The following PROS1 variants were observed in gnomAD, a reference collection of about 807,000 sequenced individuals.
PROS1 encodes vitamin K-dependent protein S.
PROS1 carries 29 observed loss-of-function variants against 75.9 expected under a neutral mutation model. The ratio of observed to expected loss-of-function variants is 0.38; its 90% CI spans 0.28 to 0.52. The LOEUF (loss-of-function observed/expected upper bound fraction) is 0.52, where lower values mean the gene tolerates loss of function less well. Ranked by LOEUF, PROS1 falls within the 20% of genes least tolerant of loss-of-function variation. The probability of loss-of-function intolerance (pLI) is 0.83; values close to 1 mark genes in which losing one functional copy is unlikely to be tolerated. For missense variants in PROS1, 680 were observed against 810.3 expected, an observed-to-expected ratio of 0.84 and a Z score of 1.95; for synonymous variants, 245 against 280.6, an observed-to-expected ratio of 0.87 and a Z score of 1.27.
At chr3:93,936,334 C>A (rs941370002) in intron 1 of PROS1, among the ~76,000 whole-genome samples, 7 of 152,100 alleles carry the variant, frequency 4.6e-5, no homozygotes, top group Non-Finnish European at 8.8e-5. Flanking sequence ...GTGACAGGAT[C>A]ATTTTGCCCC....
intron 7 of PROS1, among the ~76,000 whole-genome samples, chr3:93,899,904 G>A (rs1264008686): frequency 6.6e-6 from 1 of 152,032 alleles, no homozygotes. Flanking sequence ...CCACTGAACT[G>A]TACATTTAAA....
chr3:93,928,007 A>G (rs1219354343), intron 1 of PROS1, among the ~76,000 whole-genome samples: 2 of 25,486 alleles, frequency 7.8e-5, no homozygotes, highest in African/African-American at 3.7e-4. Flanking sequence ...ATATATATAT[A>G]TATATTTTTT....
intron 1 of PROS1, among the ~76,000 whole-genome samples, chr3:93,951,303 CA>C (rs1264787388): frequency 1.3e-5 from 2 of 152,014 alleles, no homozygotes; most frequent in African/African-American, 2.4e-5. Context: ...TCAGATTCAC[CA>C]AAGTTGAAAT....
intron 1 of PROS1, among the ~76,000 whole-genome samples, chr3:93,957,720 G>A (rs189414401): frequency 2.6e-5 from 4 of 152,180 alleles, no homozygotes; most frequent in Admixed American, 1.3e-4. Flanking sequence ...CCAGGACCCC[G>A]GCAGATATAA....
chr3:93,965,024 C>G (rs1709766026), intron 1 of PROS1, among the ~76,000 whole-genome samples: 1 of 152,080 alleles, frequency 6.6e-6, no homozygotes, highest in South Asian at 2.1e-4. Context: ...TCAGAGAGCT[C>G]ACTAAAATGC....
At chr3:93,905,560 G>A (rs763756710) in intron 6 of PROS1, among the ~76,000 whole-genome samples, 8 of 152,168 alleles carry the variant, frequency 5.3e-5, no homozygotes, top group Non-Finnish European at 1.2e-4. Context: ...AGCCATGATG[G>A]AGCCACTCTA....
At chr3:93,935,989 G>GA (rs1709176732) in intron 1 of PROS1, among the ~76,000 whole-genome samples, 5 of 145,440 alleles carry the variant, frequency 3.4e-5, no homozygotes, top group South Asian at 2.2e-4. Context: ...CAGACAAAAT[G>GA]AAAAAACTAC....
rs774133229 is a variant in PROS1 at position 93,906,126 on chromosome 3, T to A, written c.364A>T (p.Ser122Cys). 1 of 1,613,838 alleles carries A rather than the reference T, an allele frequency of 6.2e-7. No individual in the cohort carries two copies. Among genetic ancestry groups the A allele is most frequent in the Admixed American group, 1.7e-5 (1 of 59,994 alleles). The part of the protein sequence containing the change: ...SCVNAIPDQC[S>C]PLPCNEDGYM... ...CCATCTTCATTGCATGGCAGAGGAC[T>A]ACACTGGTCTGGAATGGCTGAAGGA... Residue 122 changes from serine to cysteine, a missense_variant, in exon 5 of 15, where the codon AGT (serine) becomes TGT (cysteine). Transcript: ENST00000394236.
intron 1 of PROS1, among the ~76,000 whole-genome samples, chr3:93,942,387 C>T (rs1017339246): frequency 6.6e-6 from 1 of 152,146 alleles, no homozygotes; most frequent in South Asian, 2.1e-4. Context: ...ATCATTAATG[C>T]CTCTTTAATG....
At chr3:93,892,022 G>A (rs1708438039) in intron 10 of PROS1, among the ~76,000 whole-genome samples, 1 of 151,918 alleles carries the variant, frequency 6.6e-6, no homozygotes, top group Non-Finnish European at 1.5e-5. Context: ...CTTGATCAGT[G>A]TTGTCTTTGC....
intron 1 of PROS1, among the ~76,000 whole-genome samples, chr3:93,932,780 T>C (rs1257887211): frequency 1.3e-5 from 2 of 152,208 alleles, no homozygotes; most frequent in Non-Finnish European, 2.9e-5. Flanking sequence ...GCCCCTGTAA[T>C]GACAGTGATG....
At chr3:93,925,992 G>A (rs1709011103) in intron 2 of PROS1, among the ~76,000 whole-genome samples, 2 of 151,854 alleles carry the variant, frequency 1.3e-5, no homozygotes, top group Admixed American at 1.3e-4. Context: ...CCACATCAAG[G>A]TCTTCTCCCT....
chr3:93,939,310 A>T (rs1490942111), intron 1 of PROS1, among the ~76,000 whole-genome samples: 1 of 151,884 alleles, frequency 6.6e-6, no homozygotes, highest in Non-Finnish European at 1.5e-5. Flanking sequence ...AATGCAACTC[A>T]TCCCAAATCT....
At chr3:93,927,162 T>C in intron 2 of PROS1, 88 bp downstream of exon 2, 2 of 1,521,582 alleles carry the variant, frequency 1.3e-6, no homozygotes, top group Non-Finnish European at 1.8e-6. Context: ...GACTTTAAGA[T>C]GGAACAGAAG....
Position 93,965,995 on chromosome 3 carries a change from G to A in PROS1, c.76+7679C>T, listed in dbSNP as rs548917778. Among the ~76,000 whole-genome samples the A allele has an allele frequency of 9.2e-5, 14 of 152,152 alleles. 1 individual carries two copies. The highest frequency in any genetic ancestry group is 3.4e-3 in the Middle Eastern group (1 of 292). ...TGAGATTACAGGCATGAGCCACTGC[G>A]CCTGGCCAGAAGTCACTTTTCAACA... On this transcript the variant is annotated intron_variant, in intron 1 of 14. Coordinates refer to ENST00000394236, the MANE Select transcript of PROS1 (RefSeq NM_000313.4).
intron 4 of PROS1, among the ~76,000 whole-genome samples, chr3:93,909,617 C>A (rs1297778773): frequency 1.3e-5 from 2 of 152,058 alleles, no homozygotes; most frequent in Non-Finnish European, 1.5e-5. Context: ...CATATCCACA[C>A]CAGCCTCTAA....
At chr3:93,961,798 G>T (rs1378546837) in intron 1 of PROS1, among the ~76,000 whole-genome samples, 1 of 152,150 alleles carries the variant, frequency 6.6e-6, no homozygotes. Context: ...CAGTTGGCTT[G>T]GTTGGCTAAT....
chr3:93,896,709 A>G lies in PROS1; in HGVS notation c.850-18T>C, dbSNP rs778993318. The stretch of plus-strand genomic sequence containing the variant: ...GAAACAACCTGGAATAAAAGAAACC[A>G]AATAAACAACAAGAAAATCAAAATG... On this transcript the variant is annotated intron_variant, in intron 8 of 14. Coordinates refer to ENST00000394236, the MANE Select transcript of PROS1 (RefSeq NM_000313.4). 1 of 1,555,224 alleles carries G rather than the reference A, an allele frequency of 6.4e-7. No homozygotes were observed. The highest frequency in any genetic ancestry group is 2.2e-5 in the East Asian group (1 of 44,544).
At position 93,898,539 on chromosome 3, in the gene PROS1, G is replaced by T; in HGVS notation, c.758C>A (p.Ala253Asp). 6.2e-7 allele frequency: 1 copy of T among 1,612,596 alleles called. No individual in the cohort carries two copies. The highest frequency in any genetic ancestry group is 8.5e-7 in the Non-Finnish European group (1 of 1,178,952). ...DIDECSENMC[A>D]QLCVNYPGGY... ...TCCAGGGTAATTGACACAAAGCTGA[G>T]CACACATGTTCTCAGAGCATTCATC... The change falls in exon 8 of 15, where the codon GCT (alanine) becomes GAT (aspartate). Residue 253 changes from alanine (A) to aspartate (D), a missense_variant. By Grantham distance (126) the Ala-to-Asp change is moderately radical (BLOSUM62 -2). Transcript: ENST00000394236.
Sources: gnomAD v4.1 joint callset for allele counts (sites outside exome capture counted in the v4.1 genomes callset) on GRCh38, gnomAD v4.1.1 for gene constraint, MANE v1.5 for transcripts, NCBI Gene and HGNC (gene_info 2026-07-23, HGNC 2026-07-21) for gene names.